Variants in TRIM22 observed in about 807,000 individuals in gnomAD.
TRIM22 encodes tripartite motif containing 22.
A neutral mutation model predicts 53.6 loss-of-function variants in TRIM22; 45 were observed. That is an observed-to-expected ratio of 0.84 (90% confidence interval 0.66 to 1.08). The LOEUF is 1.08. TRIM22 is among the 50% of genes least tolerant of loss of function. The pLI is 0.00. For synonymous variants in TRIM22, 225 were observed against 216.6 expected, an observed-to-expected ratio of 1.04 and a Z score of -0.34; for missense variants, 616 against 590.9, an observed-to-expected ratio of 1.04 and a Z score of -0.44.
At chr11:5,700,339 T>C (rs921131481) in intron 4 of TRIM22, among the ~76,000 whole-genome samples, 1 of 152,080 alleles carries the variant, frequency 6.6e-6, no homozygotes, top group Non-Finnish European at 1.5e-5. Flanking sequence ...GGTCTCGAAC[T>C]CTTGAGCTCA....
Position 5,698,354 on chromosome 11 carries a change from T to G in TRIM22, c.559T>G (p.Phe187Val), listed in dbSNP as rs1425424267. The G allele has an allele frequency of 6.2e-7, 1 of 1,614,146 alleles. No homozygotes were observed. The highest frequency in any genetic ancestry group is 1.7e-5 in the Admixed American group (1 of 60,026). ...CGAGAGACAGAAGATTCTGAAAGGG[T>G]TCAATGAAATGAGAGTCATCTTGGA... ...QIERQKILKGFNEMRVILDNE... is the reference protein window; with the variant it reads ...QIERQKILKGVNEMRVILDNE... The change falls in exon 4 of 8, where the codon TTC (phenylalanine) becomes GTC (valine). Residue 187 changes from phenylalanine to valine, a missense_variant. Coordinates refer to ENST00000379965, the MANE Select transcript of TRIM22 (RefSeq NM_006074.5).
At chr11:5,703,885 T>C (rs1376817677) in intron 4 of TRIM22, among the ~76,000 whole-genome samples, 3 of 151,970 alleles carry the variant, frequency 2.0e-5, no homozygotes, top group African/African-American at 4.8e-5. Flanking sequence ...AACAAACATA[T>C]GAAAAAATGC....
intron 4 of TRIM22, among the ~76,000 whole-genome samples, chr11:5,705,595 G>A (rs890350881): frequency 2.7e-5 from 4 of 148,306 alleles, no homozygotes; most frequent in African/African-American, 1.0e-4. Context: ...GTATAAAGGG[G>A]GTCAGATCAG....
chr11:5,697,749 G>C (rs1853292358), intron 3 of TRIM22: 1 of 177,988 alleles, frequency 5.6e-6, no homozygotes, highest in South Asian at 1.3e-4. Flanking sequence ...TGTCATACAG[G>C]CTGGAGTGTA....
In TRIM22 at chr11:5,696,285, G is replaced by C; in HGVS notation, c.53G>C (p.Cys18Ser). Residue 18 changes from cysteine to serine, a missense_variant, in exon 2 of 8, where the codon TGC (cysteine) becomes TCC (serine). Coordinates refer to ENST00000379965, the MANE Select transcript of TRIM22 (RefSeq NM_006074.5). Reference protein sequence around the residue: ...DIEKEVTCPICLELLTEPLSL... With the variant: ...DIEKEVTCPISLELLTEPLSL... Reference sequence around the variant, plus strand: ...GAGAAGGAGGTGACCTGCCCCATCTGCCTGGAGCTCCTGACAGAACCTCTG... The same window carrying C: ...GAGAAGGAGGTGACCTGCCCCATCTCCCTGGAGCTCCTGACAGAACCTCTG... The C allele has an allele frequency of 3.1e-6, 5 of 1,614,064 alleles. No individual in the cohort carries two copies. The highest frequency in any genetic ancestry group is 4.2e-6 in the Non-Finnish European group (5 of 1,179,964).
At chr11:5,698,021 T>C (rs10769180) in intron 3 of TRIM22, 216,481 of 310,332 alleles carry the variant, frequency 0.7, 76,245 homozygotes, top group South Asian at 0.83. Context: ...GGATTTAAGA[T>C]ACAGAAAGGC....
rs770461915 is a variant in TRIM22, at chr11:5,708,288, G to C, written c.874+15G>C. The C allele has an allele frequency of 6.2e-7, 1 of 1,605,642 alleles. No homozygotes were observed. Among genetic ancestry groups the C allele is most frequent in the Admixed American group, 1.7e-5 (1 of 60,002 alleles). Reference sequence around the variant, plus strand: ...AGTTCTTAAAGGTAAGGGGATTCAGGGGAAGGCTGTGAATGTGGATTTCTT... The same window carrying C: ...AGTTCTTAAAGGTAAGGGGATTCAGCGGAAGGCTGTGAATGTGGATTTCTT... On this transcript the variant is annotated intron_variant, in intron 6 of 7. Transcript: ENST00000379965.
intron 5 of TRIM22, among the ~76,000 whole-genome samples, chr11:5,707,965 AG>A: frequency 6.6e-6 from 1 of 152,276 alleles, no homozygotes; most frequent in South Asian, 2.1e-4. Flanking sequence ...GATTACACAG[AG>A]GGGAAGACCT....
At chr11:5,704,383 T>G (rs1361232380) in intron 4 of TRIM22, among the ~76,000 whole-genome samples, 2 of 152,192 alleles carry the variant, frequency 1.3e-5, no homozygotes, top group Non-Finnish European at 2.9e-5. Flanking sequence ...AATTATGTTA[T>G]TAGTTGTATA....
In TRIM22 at chr11:5,708,238, T is replaced by C; in HGVS notation, c.839T>C (p.Val280Ala). The C allele has an allele frequency of 1.9e-6, 3 of 1,614,134 alleles. No individual in the cohort carries two copies. The highest frequency in any genetic ancestry group is 2.5e-6 in the Non-Finnish European group (3 of 1,180,010). Residue 280 changes from valine (V) to alanine (A), a missense_variant, in exon 6 of 8, where the codon GTA (valine) becomes GCA (alanine). Coordinates refer to ENST00000379965, the MANE Select transcript of TRIM22 (RefSeq NM_006074.5). ...AAGAAACTAAAGAGTGTATTCCGAG[T>C]ACCAGATCTGAGTGGGATGCTGCAA... ...VSKKLKSVFR[V>A]PDLSGMLQVL...
At chr11:5,704,521 T>TTAA (rs1853427364) in intron 4 of TRIM22, among the ~76,000 whole-genome samples, 1 of 152,212 alleles carries the variant, frequency 6.6e-6, no homozygotes. Context: ...ATTCTGGATA[T>TTAA]TAATACCTTA....
In TRIM22 at chr11:5,692,886, T is replaced by TTC. The variant is rs199988544; in HGVS notation, c.-67+2988_-67+2989insCT. ...CTAATTTAATTTAATCTTTTTTTTT[T>TTC]TTTTTCTTTTGACGGAGTCTTGCTC... On this transcript the variant is annotated intron_variant, in intron 1 of 7. Coordinates refer to ENST00000379965, the MANE Select transcript of TRIM22 (RefSeq NM_006074.5). 2.5e-4 allele frequency among the ~76,000 whole-genome samples: 37 copies of TTC among 150,942 alleles called. 2 individuals are homozygous for TTC. In the East Asian group the frequency reaches 7.2e-3, roughly 29 times the overall value.
At chr11:5,690,982 G>A (rs1475107517) in intron 1 of TRIM22, 1 of 152,216 alleles carries the variant, frequency 6.6e-6, no homozygotes, top group Non-Finnish European at 1.5e-5. Context: ...TAGCTTTCCT[G>A]ATAAATTAGC....
Position 5,697,260 on chromosome 11 carries a change from G to A in TRIM22, c.436G>A (p.Val146Ile), listed in dbSNP as rs1172117344. ...VVKECQEKLQ[V>I]ALQRLIKEDQ... ...TTATTTCTTACAGGAAAAGCTGCAG[G>A]TAGCCCTGCAGAGGCTGATAAAGGA... The change falls in exon 3 of 8, where the codon GTA (valine) becomes ATA (isoleucine). Residue 146 changes from valine to isoleucine, a missense_variant. Coordinates refer to ENST00000379965, the MANE Select transcript of TRIM22 (RefSeq NM_006074.5). The A allele has an allele frequency of 1.1e-5, 18 of 1,610,508 alleles. No homozygotes were observed. The highest frequency in any genetic ancestry group is 1.5e-5 in the Non-Finnish European group (18 of 1,178,674).
In TRIM22 at chr11:5,698,361, A is replaced by AAATGAGAG. The variant is rs749748692; in HGVS notation, c.567_574dup (p.Val192GlufsTer2). On this transcript the variant is annotated frameshift_variant, in exon 4 of 8. Transcript: ENST00000379965. LOFTEE classifies it high-confidence loss of function. ...CAGAAGATTCTGAAAGGGTTCAATGAAATGAGAGTCATCTTGGACAATGAG... is the reference window on the plus strand; with the variant it reads ...CAGAAGATTCTGAAAGGGTTCAATGAAATGAGAGAATGAGAGTCATCTTGGACAATGAG... 1 of 1,614,122 alleles carries AAATGAGAG rather than the reference A, an allele frequency of 6.2e-7. No individual in the cohort carries two copies. The highest frequency in any genetic ancestry group is 8.5e-7 in the Non-Finnish European group (1 of 1,180,042).
intron 2 of TRIM22, 195 bp downstream of exon 2, chr11:5,696,850 A>G: frequency 1.6e-6 from 1 of 613,312 alleles, no homozygotes; most frequent in South Asian, 2.6e-5. Context: ...AAAAAAGAGT[A>G]CAAATTTTTA....
At chr11:5,690,984 T>A (rs965256881) in intron 1 of TRIM22, 4 of 152,202 alleles carry the variant, frequency 2.6e-5, no homozygotes, top group African/African-American at 9.7e-5. Flanking sequence ...GCTTTCCTGA[T>A]AAATTAGCAG....
intron 4 of TRIM22, among the ~76,000 whole-genome samples, chr11:5,698,940 C>A (rs1245683993): frequency 6.6e-6 from 1 of 152,208 alleles, no homozygotes; most frequent in Non-Finnish European, 1.5e-5. Context: ...CTTCTCTGGA[C>A]CTTTCAATAT....
intron 5 of TRIM22, 35 bp downstream of exon 5, chr11:5,706,651 T>C: frequency 6.3e-7 from 1 of 1,586,250 alleles, no homozygotes; most frequent in Non-Finnish European, 8.6e-7. Flanking sequence ...CTTATTTGTC[T>C]GAAAAGAGAA....
Sources: allele counts gnomAD v4.1 joint callset (sites outside exome capture counted in the v4.1 genomes callset), GRCh38; gene constraint gnomAD v4.1.1; transcripts MANE v1.5; gene names NCBI Gene and HGNC (gene_info 2026-07-23, HGNC 2026-07-21).